Variants in MBOAT1 observed in about 807,000 individuals in gnomAD.
MBOAT1 encodes membrane bound glycerophospholipid O-acyltransferase 1, also known as membrane-bound glycerophospholipid O-acyltransferase 1.
Under a neutral mutation model 64.4 loss-of-function variants are expected in MBOAT1, and 67 were observed. That is an observed-to-expected ratio of 1.04 (90% CI 0.85 to 1.27). MBOAT1 has a LOEUF of 1.27. MBOAT1 is among the 50% of genes most tolerant of loss of function. The pLI is 0.00. For synonymous variants in MBOAT1, 229 were observed against 218.9 expected (o/e 1.05, Z -0.41); for missense variants, 563 against 604.6 (o/e 0.93, Z 0.72).
At chr6:20,193,209 T>C (rs909487607) in intron 1 of MBOAT1, among the ~76,000 whole-genome samples, 1 of 151,708 alleles carries the variant, frequency 6.6e-6, no homozygotes, top group African/African-American at 2.4e-5. Flanking sequence ...GGTTTCACCG[T>C]GTTAGCCAGG....
In MBOAT1 at chr6:20,135,894, T is replaced by C. The variant is rs555196973; in HGVS notation, c.420-4695A>G. On this transcript the variant is annotated intron_variant, in intron 4 of 12. Coordinates refer to ENST00000324607, the MANE Select transcript of MBOAT1 (RefSeq NM_001080480.3). ...ACTCAACAGCAACCTAGACCGCTAC[T>C]GCCATCTCGCACAACTCCAGTGGGT... is the stretch of plus-strand genomic sequence containing the variant. 3.1e-4 allele frequency among the ~76,000 whole-genome samples: 47 copies of C among 152,318 alleles called. No homozygotes were observed. In the South Asian group the frequency reaches 5.2e-3, roughly 17 times the overall value.
intron 6 of MBOAT1, among the ~76,000 whole-genome samples, chr6:20,128,016 C>T (rs1760712997): frequency 6.6e-6 from 1 of 152,120 alleles, no homozygotes; most frequent in African/African-American, 2.4e-5. Context: ...ATGAAGAAGT[C>T]AATCTCCTCT....
At chr6:20,208,445 CA>C (rs10527757) in intron 1 of MBOAT1, among the ~76,000 whole-genome samples, 19 of 74,830 alleles carry the variant, frequency 2.5e-4, no homozygotes, top group East Asian at 6.0e-4. Flanking sequence ...GACTCTGTCT[CA>C]AAAAAAAAAA....
At chr6:20,188,089 G>T (rs16883485) in intron 1 of MBOAT1, among the ~76,000 whole-genome samples, 4,146 of 152,218 alleles carry the variant, frequency 0.027, 184 homozygotes, top group African/African-American at 0.093. Context: ...GCAACCCTAC[G>T]AACTACAAGG....
intron 8 of MBOAT1, among the ~76,000 whole-genome samples, chr6:20,119,083 G>A (rs761131290): frequency 2.6e-5 from 4 of 152,126 alleles, no homozygotes; most frequent in Non-Finnish European, 2.9e-5. Flanking sequence ...AGCATGACCC[G>A]CCGGTAGTGT....
chr6:20,195,512 G>T lies in MBOAT1; in HGVS notation c.99+16624C>A, dbSNP rs181324462. 7.2e-5 allele frequency among the ~76,000 whole-genome samples: 11 copies of T among 152,188 alleles called. No individual in the cohort carries two copies. In the East Asian group the frequency reaches 1.3e-3, roughly 19 times the overall value. ...AAAAGCCTGGATTTTACTGGAAAAT[G>T]GTCTTAGAAACCAAGATCCAGGCTT... On this transcript the variant is annotated intron_variant, in intron 1 of 12. Transcript: ENST00000324607.
intron 2 of MBOAT1, among the ~76,000 whole-genome samples, 189 bp from the exon 3 acceptor site, chr6:20,151,451 A>G (rs999149543): frequency 6.6e-6 from 1 of 152,280 alleles, no homozygotes; most frequent in Non-Finnish European, 1.5e-5. Flanking sequence ...ATGCTGTATC[A>G]TAACGACACA....
In MBOAT1 at chr6:20,102,357, T is replaced by C. The variant is rs1476111615; in HGVS notation, c.1417A>G (p.Met473Val). 5.0e-6 allele frequency: 8 copies of C among 1,613,412 alleles called. No homozygotes were observed. The highest frequency in any genetic ancestry group is 2.2e-5 in the South Asian group (2 of 91,072). ...ISLLIILFLP[M>V]KPQAHTQRRP... ...CTTTGCGTATGAGCTTGTGGTTTCA[T>C]TGGCAGAAATAGTATTATCAGGAGA... Residue 473 changes from methionine to valine, a missense_variant, in exon 13 of 13, where the codon ATG becomes GTG. Coordinates refer to ENST00000324607, the MANE Select transcript of MBOAT1 (RefSeq NM_001080480.3).
chr6:20,110,912 C>T (rs768547935), intron 11 of MBOAT1, among the ~76,000 whole-genome samples: 1 of 152,120 alleles, frequency 6.6e-6, no homozygotes, highest in Non-Finnish European at 1.5e-5. Context: ...CTATTTACTT[C>T]CTTCAGGTAA....
chr6:20,164,630 G>A (rs1475360992), intron 1 of MBOAT1, among the ~76,000 whole-genome samples: 2 of 54,538 alleles, frequency 3.7e-5, no homozygotes, highest in African/African-American at 1.1e-4. Flanking sequence ...GGGGGATAAG[G>A]CATCTTTTAA....
intron 12 of MBOAT1, among the ~76,000 whole-genome samples, chr6:20,105,845 A>G (rs1759941270): frequency 6.6e-6 from 1 of 152,226 alleles, no homozygotes; most frequent in Admixed American, 6.5e-5. Flanking sequence ...GAGTTATCCA[A>G]TTCAAGACAA....
chr6:20,118,682 C>A (rs2113641475), intron 8 of MBOAT1, 142 bp from the exon 9 acceptor site: 3 of 628,460 alleles, frequency 4.8e-6, no homozygotes, highest in Non-Finnish European at 8.2e-6. Flanking sequence ...ATGTAAAGGA[C>A]CTGCTAACAT....
intron 4 of MBOAT1, among the ~76,000 whole-genome samples, chr6:20,140,940 C>T (rs1160944491): frequency 1.3e-5 from 2 of 152,064 alleles, no homozygotes; most frequent in Non-Finnish European, 2.9e-5. Flanking sequence ...TACAAACACT[C>T]TGTGCACCAG....
chr6:20,156,922 G>A lies in MBOAT1; in HGVS notation c.100-4153C>T, dbSNP rs114771921. Among the ~76,000 whole-genome samples the A allele has an allele frequency of 2.8e-3, 432 of 152,086 alleles. 2 individuals carry two copies. Among genetic ancestry groups the A allele is most frequent in the African/African-American group, 9.6e-3 (398 of 41,472 alleles). Reference sequence around the variant, plus strand: ...CTGCACAGCAAAAGAAACTACCATCGGGGTTAACAGGCAACCTACAGAATG... The same window carrying A: ...CTGCACAGCAAAAGAAACTACCATCAGGGTTAACAGGCAACCTACAGAATG... On this transcript the variant is annotated intron_variant, in intron 1 of 12. Transcript: ENST00000324607.
At chr6:20,150,048 A>G (rs954153075) in intron 3 of MBOAT1, among the ~76,000 whole-genome samples, 4 of 152,196 alleles carry the variant, frequency 2.6e-5, no homozygotes, top group Non-Finnish European at 4.4e-5. Flanking sequence ...CTTTGTTTTC[A>G]TAGAACTTAC....
At chr6:20,142,972 C>T (rs1761221524) in intron 4 of MBOAT1, among the ~76,000 whole-genome samples, 1 of 152,192 alleles carries the variant, frequency 6.6e-6, no homozygotes, top group Non-Finnish European at 1.5e-5. Context: ...ACACTCTTTA[C>T]CTTCCTGAGC....
rs1761551534 is a variant in MBOAT1, at chr6:20,152,661, T to C, written c.208A>G (p.Ile70Val). Residue 70 changes from isoleucine (I) to valine (V), a missense_variant, in exon 2 of 13, where the codon ATT becomes GTT. Coordinates refer to ENST00000324607, the MANE Select transcript of MBOAT1 (RefSeq NM_001080480.3). ...AAGATGACAAAATAGATGCCAAAAA[T>C]GGTGGCAACCGCATGCCGGACATCA... ...SSDVRHAVAT[I>V]FGIYFVIFCF... 1 of 1,611,356 alleles carries C rather than the reference T, an allele frequency of 6.2e-7. No homozygotes were observed. The highest frequency in any genetic ancestry group is 1.1e-5 in the South Asian group (1 of 90,798).
At chr6:20,125,849 T>A in intron 7 of MBOAT1, 1 of 429,900 alleles carries the variant, frequency 2.3e-6, no homozygotes, top group Non-Finnish European at 4.6e-6. Context: ...ACTTGAATTA[T>A]CCTCATTTCC....
chr6:20,191,855 TTAAAGG>T (rs1202012698), intron 1 of MBOAT1, among the ~76,000 whole-genome samples: 5 of 152,276 alleles, frequency 3.3e-5, no homozygotes, highest in South Asian at 2.1e-4. Flanking sequence ...TAACTGGAAG[TTAAAGG>T]TAGAAATACT....
Sources: gnomAD v4.1 joint callset for allele counts (sites outside exome capture counted in the v4.1 genomes callset) on GRCh38, gnomAD v4.1.1 for gene constraint, MANE v1.5 for transcripts, NCBI Gene and HGNC (gene_info 2026-07-23, HGNC 2026-07-21) for gene names.